The following DLEC1 variants were observed in gnomAD, a reference collection of about 807,000 sequenced individuals.
The protein encoded by DLEC1 is DLEC1 cilia and flagella associated protein.
Under a neutral mutation model 198.1 loss-of-function variants are expected in DLEC1, and 146 were observed. The observed-to-expected ratio is 0.74, with a 90% CI of 0.64 to 0.85. DLEC1 has a LOEUF of 0.85. DLEC1 is among the 40% of genes least tolerant of loss of function. DLEC1 has a pLI of 0.00. For missense variants in DLEC1, 2,233 were observed against 2,220.0 expected (o/e 1.01, Z -0.12); for synonymous variants, 897 against 866.8 (o/e 1.03, Z -0.61).
chr3:38,062,270 A>G lies in DLEC1; in HGVS notation c.775A>G (p.Lys259Glu), dbSNP rs1246586292. 1 of 1,614,210 alleles carries G rather than the reference A, an allele frequency of 6.2e-7. No individual in the cohort carries two copies. The highest frequency in any genetic ancestry group is 8.5e-7 in the Non-Finnish European group (1 of 1,180,036). ...NKKLEDSCRK[K>E]LAEFEDELDH... is the part of the protein sequence containing the mutation. ...GAAGCTTGAAGATTCATGCAGGAAGAAGCTTGCTGAGTTCGAAGATGAGTT... is the reference window on the plus strand; with the variant it reads ...GAAGCTTGAAGATTCATGCAGGAAGGAGCTTGCTGAGTTCGAAGATGAGTT... Residue 259 changes from lysine to glutamate, a missense_variant, in exon 4 of 37, where the codon AAG becomes GAG. Physicochemically the swap from Lys to Glu is moderately conservative, Grantham distance 56. Transcript: ENST00000308059.
At chr3:38,078,723 T>G (rs1376190768) in intron 6 of DLEC1, among the ~76,000 whole-genome samples, 1 of 152,032 alleles carries the variant, frequency 6.6e-6, no homozygotes, top group Non-Finnish European at 1.5e-5. Context: ...GAGGCTGGGA[T>G]GAAGGGTGCA....
chr3:38,102,513 C>T (rs1699358286), intron 19 of DLEC1, among the ~76,000 whole-genome samples: 1 of 152,168 alleles, frequency 6.6e-6, no homozygotes, highest in African/African-American at 2.4e-5. Context: ...TGTTGGAGTT[C>T]TTCTTTACTT....
At chr3:38,086,436 C>G in intron 9 of DLEC1, 59 bp downstream of exon 9, 6 of 1,557,376 alleles carry the variant, frequency 3.9e-6, no homozygotes, top group Non-Finnish European at 5.2e-6. Context: ...GAAATAACCC[C>G]CAGAGGAACT....
Position 38,039,328 on chromosome 3 carries a change from A to G in DLEC1, c.103A>G (p.Ser35Gly), listed in dbSNP as rs1190753840. The G allele has an allele frequency of 6.2e-7, 1 of 1,614,232 alleles. No homozygotes were observed. The highest frequency in any genetic ancestry group is 2.2e-5 in the East Asian group (1 of 44,870). ...APTSPPAGSSSPSQPTWKSSL... is the reference protein window; with the variant it reads ...APTSPPAGSSGPSQPTWKSSL... ...AACTTCGCCACCAGCCGGGTCCAGC[A>G]GCCCCAGCCAGCCCACCTGGAAGTC... The change falls in exon 1 of 37, where the codon AGC (serine) becomes GGC (glycine). Residue 35 changes from serine to glycine, a missense_variant. Coordinates refer to ENST00000308059, the MANE Select transcript of DLEC1 (RefSeq NM_007335.4).
intron 12 of DLEC1, 142 bp downstream of exon 12, chr3:38,093,909 C>A: frequency 9.4e-7 from 1 of 1,061,454 alleles, no homozygotes; most frequent in Non-Finnish European, 1.4e-6. Context: ...TTGAGGGATC[C>A]AGATTGACCC....
chr3:38,105,467 T>C (rs988715102), intron 19 of DLEC1, among the ~76,000 whole-genome samples: 29 of 152,302 alleles, frequency 1.9e-4, no homozygotes, highest in African/African-American at 7.0e-4. Flanking sequence ...GATACATACA[T>C]GTTTATAATT....
intron 27 of DLEC1, among the ~76,000 whole-genome samples, chr3:38,115,712 C>A (rs1305502036): frequency 6.6e-6 from 1 of 152,066 alleles, no homozygotes; most frequent in Non-Finnish European, 1.5e-5. Flanking sequence ...AGGTTTGGGA[C>A]AGGACTTTGG....
At chr3:38,072,432 G>C (rs1172686297) in intron 6 of DLEC1, among the ~76,000 whole-genome samples, 2 of 152,190 alleles carry the variant, frequency 1.3e-5, no homozygotes, top group South Asian at 2.1e-4. Context: ...GGACAAAAAG[G>C]CTACAGGACG....
chr3:38,063,797 G>T, intron 5 of DLEC1, 44 bp from the exon 6 acceptor site: 1 of 1,415,214 alleles, frequency 7.1e-7, no homozygotes. Flanking sequence ...TCATTGTATG[G>T]ATGAAACTAA....
chr3:38,079,745 T>C (rs949858735), intron 6 of DLEC1, among the ~76,000 whole-genome samples: 1 of 152,204 alleles, frequency 6.6e-6, no homozygotes, highest in African/African-American at 2.4e-5. Flanking sequence ...CGTAGCAAGC[T>C]CCTGGGGGAG....
At chr3:38,092,966 C>A in intron 11 of DLEC1, 86 bp downstream of exon 11, 1 of 1,277,176 alleles carries the variant, frequency 7.8e-7, no homozygotes, top group Non-Finnish European at 1.1e-6. Context: ...TTAGCGGCAG[C>A]CCACCTGTTT....
chr3:38,120,673 G>A, intron 34 of DLEC1, 64 bp downstream of exon 34: 2 of 1,597,598 alleles, frequency 1.3e-6, no homozygotes, highest in Admixed American at 1.7e-5. Flanking sequence ...GTTCTGCTGG[G>A]GCCAGAGGAG....
intron 15 of DLEC1, 72 bp from the exon 16 acceptor site, chr3:38,097,110 C>T: frequency 7.3e-7 from 1 of 1,367,620 alleles, no homozygotes; most frequent in East Asian, 2.5e-5. Context: ...CACAATCCTA[C>T]AGTCCTTCAG....
chr3:38,076,358 TG>T (rs1212071626), intron 6 of DLEC1, among the ~76,000 whole-genome samples: 1 of 152,080 alleles, frequency 6.6e-6, no homozygotes, highest in Non-Finnish European at 1.5e-5. Context: ...TTATTTCACC[TG>T]GGTACAAGTG....
At chr3:38,068,405 A>G (rs758674112) in intron 6 of DLEC1, among the ~76,000 whole-genome samples, 2 of 151,784 alleles carry the variant, frequency 1.3e-5, no homozygotes, top group Non-Finnish European at 2.9e-5. Context: ...TAATTTTTGT[A>G]TTTTTTGTAT....
intron 6 of DLEC1, among the ~76,000 whole-genome samples, chr3:38,080,862 G>C (rs1202435127): frequency 7.4e-6 from 1 of 135,944 alleles, no homozygotes; most frequent in Non-Finnish European, 1.6e-5. Context: ...GTTTCTCACA[G>C]AGGGGGATTT....
Position 38,088,349 on chromosome 3 carries a change from G to C in DLEC1, c.1626G>C (p.Ser542=), listed in dbSNP as rs375273366. The change falls in exon 10 of 37, where the codon TCG becomes TCC. Residue 542 remains serine (S), a synonymous_variant. Coordinates refer to ENST00000308059, the MANE Select transcript of DLEC1 (RefSeq NM_007335.4). ...AACCTCCTTTTGGAATCCTGCCTTC[G>C]GTGTTTGAGCTGGCCCCGGGACATG... ...VEQPPFGILP[S]VFELAPGHAI... is the part of the protein sequence containing the mutation. The C allele has an allele frequency of 3.1e-6, 5 of 1,613,998 alleles. No individual in the cohort carries two copies. The South Asian group carries it at 5.5e-5, about 18-fold the overall frequency.
At chr3:38,114,684 G>A (rs1012551685) in intron 26 of DLEC1, among the ~76,000 whole-genome samples, 5 of 152,100 alleles carry the variant, frequency 3.3e-5, no homozygotes, top group Admixed American at 2.6e-4. Flanking sequence ...CAGAAGTGGC[G>A]AGTAGTCAGT....
At chr3:38,071,573 C>T (rs770850245) in intron 6 of DLEC1, among the ~76,000 whole-genome samples, 6 of 152,068 alleles carry the variant, frequency 3.9e-5, no homozygotes, top group Admixed American at 1.3e-4. Flanking sequence ...TGGGAGTGAC[C>T]GATGTGAAGG....
Sources: allele counts gnomAD v4.1 joint callset (sites outside exome capture counted in the v4.1 genomes callset), GRCh38; gene constraint gnomAD v4.1.1; transcripts MANE v1.5; gene names NCBI Gene and HGNC (gene_info 2026-07-23, HGNC 2026-07-21).